Variants in FAM76B observed in about 807,000 individuals in gnomAD.
FAM76B encodes the protein protein FAM76B.
Under a neutral mutation model 51.8 loss-of-function variants are expected in FAM76B, and 16 were observed. The observed-to-expected ratio is 0.31, with a 90% confidence interval of 0.21 to 0.47. The LOEUF (loss-of-function observed/expected upper bound fraction) is 0.47, where lower values mean the gene tolerates loss of function less well. FAM76B is among the 20% of genes least tolerant of loss of function. The pLI is 1.00. For missense variants in FAM76B, 342 were observed against 392.6 expected (o/e 0.87, Z 1.09); for synonymous variants, 166 against 129.5 (o/e 1.28, Z -1.91).
At chr11:95,778,363 A>G (rs1434075737) in intron 8 of FAM76B, among the ~76,000 whole-genome samples, 1 of 151,514 alleles carries the variant, frequency 6.6e-6, no homozygotes, top group Admixed American at 6.6e-5. Context: ...GCTAATTACT[A>G]TTACTGACTA....
chr11:95,785,462 T>G (rs1860516376), intron 4 of FAM76B, among the ~76,000 whole-genome samples: 1 of 152,240 alleles, frequency 6.6e-6, no homozygotes, highest in Non-Finnish European at 1.5e-5. Context: ...ATCTTCTGTT[T>G]GTTCACATGT....
intron 5 of FAM76B, among the ~76,000 whole-genome samples, chr11:95,781,955 G>C (rs1860294366): frequency 6.6e-6 from 1 of 152,126 alleles, no homozygotes; most frequent in Non-Finnish European, 1.5e-5. Flanking sequence ...AATACTGCAT[G>C]TGTTCCAAAA....
At chr11:95,772,360 TG>T (rs1229431919) in intron 9 of FAM76B, among the ~76,000 whole-genome samples, 1 of 151,244 alleles carries the variant, frequency 6.6e-6, no homozygotes, top group Non-Finnish European at 1.5e-5. Context: ...TCATCTGACT[TG>T]AATTTCATTA....
rs1325724367 is a variant in FAM76B at position 95,778,975 on chromosome 11, A to T, written c.693-18T>A. ...TAGAGCTACTAAAAAGAAAAAAGTA[A>T]AACACAGTTAAATGAAGTAGAAGGA... On this transcript the variant is annotated intron_variant, in intron 7 of 9. Transcript: ENST00000358780. 2 of 1,604,688 alleles carry T rather than the reference A, an allele frequency of 1.2e-6. No individual in the cohort carries two copies. Among genetic ancestry groups the T allele is most frequent in the African/African-American group, 1.3e-5 (1 of 74,276 alleles).
intron 7 of FAM76B, chr11:95,779,380 T>C: frequency 1.8e-6 from 1 of 559,720 alleles, no homozygotes. Flanking sequence ...ATTTGTTTCT[T>C]CAAAACCCAA....
chr11:95,779,557 A>G, intron 7 of FAM76B, 50 bp downstream of exon 7: 1 of 1,475,382 alleles, frequency 6.8e-7, no homozygotes, highest in South Asian at 1.2e-5. Context: ...TTCAACCATA[A>G]CTATTCAACT....
Position 95,789,661 on chromosome 11 carries a change from C to T in FAM76B, c.-183G>A. 1.9e-6 allele frequency: 1 copy of T among 526,256 alleles called. No individual in the cohort carries two copies. Among genetic ancestry groups the T allele is most frequent in the Non-Finnish European group, 3.3e-6 (1 of 303,640 alleles). The allele number at this position is 526,256 out of a possible 1,614,324, so 32.6% of individuals were successfully genotyped here. On this transcript the variant is annotated 5_prime_UTR_variant, in exon 1 of 10. Transcript: ENST00000358780. ...GGACGACGCCACCGTCTCCCTCCGC[C>T]TCCACTTCCGCCCCAGCCCACCCAG... is the stretch of plus-strand genomic sequence containing the variant.
chr11:95,787,936 C>T (rs571453272), intron 2 of FAM76B, among the ~76,000 whole-genome samples: 4 of 152,310 alleles, frequency 2.6e-5, no homozygotes, highest in African/African-American at 9.6e-5. Context: ...CCAAAATCTT[C>T]ACACTTGACA....
At chr11:95,786,681 T>TAACG (rs1195051885) in intron 3 of FAM76B, 1 of 156,784 alleles carries the variant, frequency 6.4e-6, no homozygotes, top group East Asian at 1.9e-4. Context: ...TAGAAAATGT[T>TAACG]AACTTTTCAT....
At chr11:95,786,587 T>C (rs867052613) in intron 3 of FAM76B, 26 of 197,096 alleles carry the variant, frequency 1.3e-4, no homozygotes, top group Middle Eastern at 1.9e-3. Context: ...AAGGTACATA[T>C]GTAGAGAAGT....
chr11:95,786,718 AAT>A (rs1860608173), intron 3 of FAM76B: 1 of 153,002 alleles, frequency 6.5e-6, no homozygotes, highest in African/African-American at 2.4e-5. Flanking sequence ...TCATATAAGG[AAT>A]ATATACTGTG....
chr11:95,784,542 A>G (rs747300106), intron 4 of FAM76B, among the ~76,000 whole-genome samples: 2 of 151,576 alleles, frequency 1.3e-5, no homozygotes, highest in African/African-American at 2.4e-5. Flanking sequence ...AGTGCAATTA[A>G]ATTAATCGAC....
rs1391958294 is a variant in FAM76B at position 95,770,905 on chromosome 11, G to A, written c.*656C>T. ...AGGCACTTGTAAGTAAAAATCTACAGTAGTTTTTACAAAACAGAAACACAT... is the reference window on the plus strand; with the variant it reads ...AGGCACTTGTAAGTAAAAATCTACAATAGTTTTTACAAAACAGAAACACAT... On this transcript the variant is annotated 3_prime_UTR_variant, in exon 10 of 10. Coordinates refer to ENST00000358780, the MANE Select transcript of FAM76B (RefSeq NM_144664.5). The A allele has an allele frequency of 6.6e-6, 1 of 151,646 alleles. No individual in the cohort carries two copies. Among genetic ancestry groups the A allele is most frequent in the African/African-American group, 2.4e-5 (1 of 41,310 alleles). The allele number at this position is 151,646 out of a possible 1,614,324, so 9.4% of individuals were successfully genotyped here. A position where few individuals can be genotyped will look rare whatever the true frequency, so the allele number is the denominator to read the frequency against.
chr11:95,775,498 G>C (rs990860904), intron 9 of FAM76B, among the ~76,000 whole-genome samples: 2 of 151,518 alleles, frequency 1.3e-5, no homozygotes, highest in East Asian at 3.9e-4. Context: ...GCCACTCCAG[G>C]TCCTTAAGAA....
chr11:95,775,498 G>A (rs990860904), intron 9 of FAM76B, among the ~76,000 whole-genome samples: 3 of 151,400 alleles, frequency 2.0e-5, no homozygotes, highest in African/African-American at 7.3e-5. Context: ...GCCACTCCAG[G>A]TCCTTAAGAA....
Position 95,769,259 on chromosome 11 carries a change from T to G in FAM76B, c.*2302A>C, listed in dbSNP as rs1320225192. 6.6e-6 allele frequency: 1 copy of G among 152,266 alleles called. No individual in the cohort carries two copies. The highest frequency in any genetic ancestry group is 1.9e-4 in the East Asian group (1 of 5,190). 9.4% of individuals were successfully genotyped at this position (152,266 alleles called of 1,614,324 possible). A position where few individuals can be genotyped will look rare whatever the true frequency, so the allele number is the denominator to read the frequency against. On this transcript the variant is annotated 3_prime_UTR_variant, in exon 10 of 10. Coordinates refer to ENST00000358780, the MANE Select transcript of FAM76B (RefSeq NM_144664.5). ...TCCTTACAGGTCCACATTTAAAGAATATCAGTTTATTATGTCAAAACACTA... is the reference window on the plus strand; with the variant it reads ...TCCTTACAGGTCCACATTTAAAGAAGATCAGTTTATTATGTCAAAACACTA...
Position 95,771,581 on chromosome 11 carries a change from T to C in FAM76B, c.1000A>G (p.Ser334Gly), listed in dbSNP as rs1218173084. The C allele has an allele frequency of 2.5e-6, 4 of 1,606,694 alleles. No individual in the cohort carries two copies. In the African/African-American group the frequency reaches 5.4e-5, roughly 22 times the overall value. The change falls in exon 10 of 10, where the codon AGC (serine) becomes GGC (glycine). Residue 334 changes from serine (S) to glycine (G), a missense_variant. By Grantham distance (56) the Ser-to-Gly change is moderately conservative. Around this residue, in one of 3 missense-constraint regions of FAM76B, gnomAD observed 230 missense variants for 257.4 expected, o/e 0.89. Coordinates refer to ENST00000358780, the MANE Select transcript of FAM76B (RefSeq NM_144664.5). The part of the protein sequence containing the change: ...SKGKKFDKSG[S>G]ILTSP ...CTTTCTCAAGGAGATGTTAGTATGCTTCCACTTTTGTCAAATTTTTTACCC... is the reference window on the plus strand; with the variant it reads ...CTTTCTCAAGGAGATGTTAGTATGCCTCCACTTTTGTCAAATTTTTTACCC...
chr11:95,785,995 T>G, intron 4 of FAM76B, 124 bp downstream of exon 4: 2 of 1,178,074 alleles, frequency 1.7e-6, no homozygotes, highest in Non-Finnish European at 2.4e-6. Flanking sequence ...CACTTTCATC[T>G]AACTACTTGC....
rs913546195 is a variant in FAM76B, at chr11:95,769,431, C to G, written c.*2130G>C. On this transcript the variant is annotated 3_prime_UTR_variant, in exon 10 of 10. Coordinates refer to ENST00000358780, the MANE Select transcript of FAM76B (RefSeq NM_144664.5). ...GAAAGGGTTTTAGCCTTGGAATTTA[C>G]AAAGCTAAATTATTAGACTGTTAAT... 5 of 152,178 alleles carry G rather than the reference C, an allele frequency of 3.3e-5. No homozygotes were observed. The highest frequency in any genetic ancestry group is 7.4e-5 in the Non-Finnish European group (5 of 67,784). The allele number at this position is 152,178 out of a possible 1,614,324, so 9.4% of individuals were successfully genotyped here.
Sources: allele counts gnomAD v4.1 joint callset (sites outside exome capture counted in the v4.1 genomes callset), GRCh38; gene constraint gnomAD v4.1.1; regional missense constraint gnomAD v4.1.1; transcripts MANE v1.5; gene names NCBI Gene and HGNC (gene_info 2026-07-23, HGNC 2026-07-21).